The following DNAH14 variants were observed in gnomAD, a reference collection of about 807,000 sequenced individuals.
DNAH14 encodes axonemal beta dynein heavy chain 14.
Under a neutral mutation model 520.9 loss-of-function variants are expected in DNAH14, and 478 were observed. That is an observed-to-expected ratio of 0.92 (90% CI 0.85 to 0.99). The LOEUF (loss-of-function observed/expected upper bound fraction) is 0.99, where lower values mean the gene tolerates loss of function less well. Ranked by LOEUF, DNAH14 falls within the 50% of genes least tolerant of loss-of-function variation. The pLI is 0.00. For missense variants in DNAH14, 4,831 were observed against 5,234.5 expected (o/e 0.92, Z 2.38); for synonymous variants, 1,581 against 1,757.2 (o/e 0.90, Z 2.51).
chr1:225,147,029 T>C (rs999537798), intron 30 of DNAH14, 75 bp from the exon 31 acceptor site: 1 of 1,214,618 alleles, frequency 8.2e-7, no homozygotes, highest in African/African-American at 1.5e-5. Flanking sequence ...GGAGAACACA[T>C]ACAAATTAAT....
intron 10 of DNAH14, 28 bp downstream of exon 10, chr1:225,007,572 C>T: frequency 6.9e-7 from 1 of 1,459,040 alleles, no homozygotes; most frequent in Non-Finnish European, 9.1e-7. Flanking sequence ...TCATATTTAT[C>T]AAAGTTGCAA....
Position 225,051,493 on chromosome 1 carries a change from GTTAATGCT to G in DNAH14, c.2124_2131del (p.Asn709GlnfsTer33). 5 of 1,542,794 alleles carry G rather than the reference GTTAATGCT, an allele frequency of 3.2e-6. No individual in the cohort carries two copies. The highest frequency in any genetic ancestry group is 4.4e-6 in the Non-Finnish European group (5 of 1,143,470). ...TATTATTGGTAATTCAATGGGCCTA[GTTAATGCT>G]TACAGCCACAAGTTTATAAAGTATT... On this transcript the variant is annotated frameshift_variant, in exon 17 of 86. Transcript: ENST00000682510. LOFTEE classifies it high-confidence loss of function.
chr1:225,305,412 GACACCAAAATAAAAGGCTTC>G, intron 58 of DNAH14, among the ~76,000 whole-genome samples: 1 of 152,156 alleles, frequency 6.6e-6, no homozygotes, highest in Admixed American at 6.6e-5. Context: ...CTCATGGGAT[GACACCAAAATAAAAGGCTTC>G]AGATGACTAC....
At chr1:225,122,476 T>C (rs1179945896) in intron 26 of DNAH14, among the ~76,000 whole-genome samples, 1 of 152,148 alleles carries the variant, frequency 6.6e-6, no homozygotes, top group Non-Finnish European at 1.5e-5. Context: ...AAGTATTCCA[T>C]ATACTTATAG....
At chr1:225,347,221 C>A (rs2095299080) in intron 71 of DNAH14, among the ~76,000 whole-genome samples, 1 of 152,154 alleles carries the variant, frequency 6.6e-6, no homozygotes, top group South Asian at 2.1e-4. Context: ...GACTAGGATG[C>A]TATAGGCTCC....
At chr1:225,098,720 T>C (rs1558949413) in intron 22 of DNAH14, among the ~76,000 whole-genome samples, 1 of 152,240 alleles carries the variant, frequency 6.6e-6, no homozygotes. Context: ...AAGGTGTATG[T>C]CCTTATGGAT....
intron 84 of DNAH14, among the ~76,000 whole-genome samples, chr1:225,394,900 T>C (rs1388005419): frequency 6.6e-6 from 1 of 151,804 alleles, no homozygotes; most frequent in Admixed American, 6.6e-5. Flanking sequence ...AGATCAAAGT[T>C]CTTTTGGTTC....
intron 10 of DNAH14, among the ~76,000 whole-genome samples, chr1:225,023,147 A>G (rs887429258): frequency 2.0e-5 from 3 of 152,130 alleles, no homozygotes; most frequent in African/African-American, 7.2e-5. Flanking sequence ...GACTATGCTC[A>G]CTACCCATGT....
At chr1:225,218,807 G>A (rs1432504827) in intron 41 of DNAH14, among the ~76,000 whole-genome samples, 3 of 152,178 alleles carry the variant, frequency 2.0e-5, no homozygotes, top group Admixed American at 1.3e-4. Context: ...GACCAAGTAG[G>A]CCTAATACAC....
intron 42 of DNAH14, among the ~76,000 whole-genome samples, chr1:225,234,218 G>A (rs1229172358): frequency 6.6e-6 from 1 of 152,124 alleles, no homozygotes; most frequent in Non-Finnish European, 1.5e-5. Flanking sequence ...AAGTTGGGCA[G>A]TGTGATGCTA....
In DNAH14 at chr1:225,271,295, T is replaced by A. The variant is rs543897180; in HGVS notation, c.7671+429T>A. 4.3e-4 allele frequency among the ~76,000 whole-genome samples: 65 copies of A among 152,160 alleles called. No individual in the cohort carries two copies. The South Asian group carries it at 0.013, about 31-fold the overall frequency. On this transcript the variant is annotated intron_variant, in intron 50 of 85. Transcript: ENST00000682510. Reference sequence around the variant, plus strand: ...AGGTAGACTTTCTTCTAAAACAGGATTTTTTTTCAGGTGCGAACTATTTAC... The same window carrying A: ...AGGTAGACTTTCTTCTAAAACAGGAATTTTTTTCAGGTGCGAACTATTTAC...
chr1:224,985,317 A>G (rs2062553229), intron 8 of DNAH14, among the ~76,000 whole-genome samples: 1 of 152,204 alleles, frequency 6.6e-6, no homozygotes, highest in Non-Finnish European at 1.5e-5. Context: ...ATTTGCAATG[A>G]CCTGGATGAG....
chr1:225,124,406 C>A (rs898385579), intron 27 of DNAH14, among the ~76,000 whole-genome samples: 1 of 152,218 alleles, frequency 6.6e-6, no homozygotes, highest in African/African-American at 2.4e-5. Context: ...CTCTCAAACT[C>A]TGCCGCTGCT....
Position 225,324,304 on chromosome 1 carries a change from C to G in DNAH14, c.9578C>G (p.Ser3193Cys). The change falls in exon 63 of 86, where the codon TCC becomes TGC. Residue 3193 changes from serine to cysteine, a missense_variant. Coordinates refer to ENST00000682510, the MANE Select transcript of DNAH14 (RefSeq NM_001367479.1). ...KISLVSVACC[S>C]LCQWVIALNN... ...TCGCTGGTTTCTGTTGCTTGTTGCT[C>G]CCTGTGCCAGTGGGTTATAGCTTTG... 5.8e-6 allele frequency: 9 copies of G among 1,551,860 alleles called. No individual in the cohort carries two copies. Among genetic ancestry groups the G allele is most frequent in the Non-Finnish European group, 7.8e-6 (9 of 1,147,028 alleles).
chr1:225,008,018 GCA>G (rs1005436667), intron 10 of DNAH14, among the ~76,000 whole-genome samples: 1 of 150,734 alleles, frequency 6.6e-6, no homozygotes, highest in Non-Finnish European at 1.5e-5. Context: ...GTGGTTTGCT[GCA>G]CCCATCAACC....
chr1:225,056,200 G>T (rs1239796259), intron 17 of DNAH14, among the ~76,000 whole-genome samples: 1 of 152,012 alleles, frequency 6.6e-6, no homozygotes, highest in Non-Finnish European at 1.5e-5. Flanking sequence ...AGCACCTGTT[G>T]TTTCCTGACT....
intron 1 of DNAH14, among the ~76,000 whole-genome samples, chr1:224,934,168 C>A (rs1158242237): frequency 6.7e-6 from 1 of 149,960 alleles, no homozygotes; most frequent in African/African-American, 2.5e-5. Context: ...CAGTAAACCT[C>A]CATCAGTAGA....
intron 21 of DNAH14, among the ~76,000 whole-genome samples, chr1:225,095,218 A>G (rs114472911): frequency 0.049 from 7,447 of 152,270 alleles, 451 homozygotes; most frequent in East Asian, 0.24. Flanking sequence ...TCACAGCACT[A>G]TTCACAATAG....
chr1:225,270,731 A>G lies in DNAH14; in HGVS notation c.7540-4A>G. 6.4e-7 allele frequency: 1 copy of G among 1,550,484 alleles called. No homozygotes were observed. Among genetic ancestry groups the G allele is most frequent in the Non-Finnish European group, 8.7e-7 (1 of 1,146,448 alleles). On this transcript the variant is annotated splice_polypyrimidine_tract_variant and splice_region_variant and intron_variant, in intron 49 of 85. Coordinates refer to ENST00000682510, the MANE Select transcript of DNAH14 (RefSeq NM_001367479.1). ...GTTACTCTTCCTTTTTATCCTTATCACAGAATATTCAAGATCTGTCTATAG... is the reference window on the plus strand; with the variant it reads ...GTTACTCTTCCTTTTTATCCTTATCGCAGAATATTCAAGATCTGTCTATAG...
Sources: gnomAD v4.1 joint callset for allele counts (sites outside exome capture counted in the v4.1 genomes callset) on GRCh38, gnomAD v4.1.1 for gene constraint, MANE v1.5 for transcripts, NCBI Gene and HGNC (gene_info 2026-07-23, HGNC 2026-07-21) for gene names.